TMEM132E: variants seen among roughly 807,000 people sequenced by gnomAD.
TMEM132E encodes transmembrane protein 132E.
TMEM132E carries 49 observed loss-of-function variants against 78.5 expected under a neutral mutation model. That is an observed-to-expected ratio of 0.62 (90% CI 0.50 to 0.79). The LOEUF (loss-of-function observed/expected upper bound fraction) is 0.79. Among genes scored for constraint, TMEM132E ranks in the 30% least tolerant of loss-of-function variants. The pLI, the probability that TMEM132E is intolerant of heterozygous loss-of-function variation, is 0.00. For missense variants in TMEM132E, 1,403 were observed against 1,470.9 expected, an observed-to-expected ratio of 0.95 and a Z score of 0.75; for synonymous variants, 715 against 670.6, an observed-to-expected ratio of 1.07 and a Z score of -1.02.
chr17:34,620,677 C>T (rs976920289), intron 1 of TMEM132E, among the ~76,000 whole-genome samples: 1 of 152,236 alleles, frequency 6.6e-6, no homozygotes, highest in African/African-American at 2.4e-5. Flanking sequence ...TCACTCATAC[C>T]AGGACCAGGA....
rs140315218 is a variant in TMEM132E at position 34,626,974 on chromosome 17, C to A, written c.915C>A (p.Pro305=). ...MIRLPDRPLK[P]GEVLSILLYL... is the part of the protein sequence containing the mutation. ...GCCTGCCAGACCGGCCCCTCAAGCC[C>A]GGGGAAGTGCTCAGCATCCTCCTCT... The change falls in exon 2 of 9, where the codon CCC becomes CCA. Residue 305 remains proline (P), a synonymous_variant. Transcript: ENST00000631683. The A allele has an allele frequency of 1.2e-6, 2 of 1,613,820 alleles. No individual in the cohort carries two copies. Among genetic ancestry groups the A allele is most frequent in the Non-Finnish European group, 1.7e-6 (2 of 1,180,038 alleles).
At position 34,637,919 on chromosome 17, in the gene TMEM132E, G is replaced by C; in HGVS notation, c.2912G>C (p.Ser971Thr). 6.2e-7 allele frequency: 1 copy of C among 1,605,966 alleles called. No homozygotes were observed. The highest frequency in any genetic ancestry group is 8.5e-7 in the Non-Finnish European group (1 of 1,178,636). ...VPAFCHGDHH[S>T]SGSSQTSVQS... ...GCCTTCTGCCACGGCGACCACCACA[G>C]CAGCGGCAGCTCGCAGACCAGCGTC... The change falls in exon 9 of 9, where the codon AGC becomes ACC. Residue 971 changes from serine (S) to threonine (T), a missense_variant. Ser to Thr is a moderately conservative substitution (Grantham distance 58, BLOSUM62 1). Transcript: ENST00000631683.
intron 1 of TMEM132E, among the ~76,000 whole-genome samples, chr17:34,620,844 C>T (rs1006932085): frequency 6.6e-6 from 1 of 152,192 alleles, no homozygotes; most frequent in Admixed American, 6.5e-5. Flanking sequence ...AGGGGGACCC[C>T]CACATCCTCC....
intron 1 of TMEM132E, among the ~76,000 whole-genome samples, chr17:34,592,910 C>T (rs1198839765): frequency 1.3e-5 from 2 of 152,178 alleles, no homozygotes; most frequent in East Asian, 3.9e-4. Flanking sequence ...GTGATAAACC[C>T]TTCCTCCCAG....
intron 1 of TMEM132E, among the ~76,000 whole-genome samples, chr17:34,600,419 G>A (rs575928090): frequency 2.5e-4 from 32 of 129,622 alleles, no homozygotes; most frequent in East Asian, 4.5e-4. Context: ...AAGTTTGAGC[G>A]TATATGAGTG....
In TMEM132E at chr17:34,637,477, TA is replaced by T. The variant is rs1907562704; in HGVS notation, c.2471del (p.Tyr824SerfsTer61). 1 of 1,611,276 alleles carries T rather than the reference TA, an allele frequency of 6.2e-7. No homozygotes were observed. Among genetic ancestry groups the T allele is most frequent in the Non-Finnish European group, 8.5e-7 (1 of 1,179,274 alleles). On this transcript the variant is annotated frameshift_variant, in exon 9 of 9. Transcript: ENST00000631683. LOFTEE classifies it high-confidence loss of function. ...GRDEEDPTYD[Y>X]PGPSQPGPGG... The stretch of plus-strand genomic sequence containing the variant: ...GGACGAGGAGGACCCCACTTATGAC[TA>T]CCCGGGCCCCAGCCAACCAGGGCCC...
At chr17:34,607,440 C>A (rs962727655) in intron 1 of TMEM132E, among the ~76,000 whole-genome samples, 1 of 152,176 alleles carries the variant, frequency 6.6e-6, no homozygotes, top group African/African-American at 2.4e-5. Context: ...TCCTGCTCCT[C>A]TTTTCACAAT....
rs761762301 is a variant in TMEM132E at position 34,634,891 on chromosome 17, C to T, written c.1781C>T (p.Thr594Ile). Residue 594 changes from threonine (T) to isoleucine (I), a missense_variant, in exon 7 of 9, where the codon ACC (threonine) becomes ATC (isoleucine). Around this residue, in one of 3 missense-constraint regions of TMEM132E, gnomAD observed 888 missense variants for 952.8 expected, o/e 0.93. Coordinates refer to ENST00000631683, the MANE Select transcript of TMEM132E (RefSeq NM_001304438.2). ...RGCTLQYQHA[T>I]LQVFTQFHTT... is the part of the protein sequence containing the mutation. The stretch of plus-strand genomic sequence containing the variant: ...TGCACCCTGCAGTACCAGCATGCCA[C>T]CCTGCAGGTCTTCACCCAGTTCCAC... The T allele has an allele frequency of 6.2e-7, 1 of 1,614,136 alleles. No homozygotes were observed. The highest frequency in any genetic ancestry group is 8.5e-7 in the Non-Finnish European group (1 of 1,180,020).
At chr17:34,594,020 C>T (rs909857446) in intron 1 of TMEM132E, among the ~76,000 whole-genome samples, 159 of 152,304 alleles carry the variant, frequency 1.0e-3, no homozygotes, top group African/African-American at 3.8e-3. Context: ...TACCTCCTAC[C>T]TCTTTCAGGT....
chr17:34,599,059 A>G (rs1230742308), intron 1 of TMEM132E, among the ~76,000 whole-genome samples: 1 of 152,256 alleles, frequency 6.6e-6, no homozygotes, highest in Non-Finnish European at 1.5e-5. Context: ...CTGTTGAGGC[A>G]TAGACAGGGG....
intron 1 of TMEM132E, among the ~76,000 whole-genome samples, chr17:34,593,712 C>T (rs1905959555): frequency 2.0e-5 from 3 of 152,248 alleles, no homozygotes; most frequent in African/African-American, 7.2e-5. Flanking sequence ...TTCCAGCTGC[C>T]TCCTAAGGCC....
Position 34,638,063 on chromosome 17 carries a change from C to T in TMEM132E, c.3056C>T (p.Thr1019Ile). The part of the protein sequence containing the change: ...KRKRVKFTTF[T>I]TLPSEELAYD... ...AAGCGGGTCAAGTTCACCACCTTCA[C>T]CACGCTGCCGTCAGAGGAGCTGGCC... Residue 1019 changes from threonine to isoleucine, a missense_variant, in exon 9 of 9, where the codon ACC becomes ATC. Coordinates refer to ENST00000631683, the MANE Select transcript of TMEM132E (RefSeq NM_001304438.2). The T allele has an allele frequency of 6.3e-7, 1 of 1,581,126 alleles. No individual in the cohort carries two copies. Among genetic ancestry groups the T allele is most frequent in the Non-Finnish European group, 8.6e-7 (1 of 1,163,644 alleles).
At position 34,637,956 on chromosome 17, in the gene TMEM132E, G is replaced by T. The variant is rs368090515; in HGVS notation, c.2949G>T (p.Val983=). Residue 983 remains valine (V), a synonymous_variant, in exon 9 of 9, where the codon GTG becomes GTT. Transcript: ENST00000631683. ...CGCAGACCAGCGTCCAGAGCCAGGTGCACGGCAGGGGCGACGGCTCCTCGG... is the reference window on the plus strand; with the variant it reads ...CGCAGACCAGCGTCCAGAGCCAGGTTCACGGCAGGGGCGACGGCTCCTCGG... The part of the protein sequence containing the change: ...GSSQTSVQSQ[V]HGRGDGSSGG... The T allele has an allele frequency of 2.8e-3, 4,447 of 1,604,670 alleles. 51 individuals carry two copies. The highest frequency in any genetic ancestry group is 0.02 in the South Asian group (1,850 of 90,302).
At chr17:34,622,573 C>G (rs1207579555) in intron 1 of TMEM132E, among the ~76,000 whole-genome samples, 2 of 152,234 alleles carry the variant, frequency 1.3e-5, no homozygotes, top group African/African-American at 4.8e-5. Flanking sequence ...GGGTCCAGAG[C>G]CCCTAGGCCT....
At chr17:34,586,400 A>G (rs778336016) in intron 1 of TMEM132E, among the ~76,000 whole-genome samples, 1 of 152,172 alleles carries the variant, frequency 6.6e-6, no homozygotes, top group Non-Finnish European at 1.5e-5. Context: ...TGGCTCTGCC[A>G]TACTCCAGCA....
intron 1 of TMEM132E, among the ~76,000 whole-genome samples, chr17:34,603,860 A>C (rs1027873338): frequency 1.3e-5 from 2 of 152,102 alleles, no homozygotes; most frequent in African/African-American, 4.8e-5. Flanking sequence ...TCCTGTGGCT[A>C]TTCCATGAGT....
At chr17:34,593,078 G>A (rs992463590) in intron 1 of TMEM132E, among the ~76,000 whole-genome samples, 1 of 150,994 alleles carries the variant, frequency 6.6e-6, no homozygotes, top group African/African-American at 2.4e-5. Flanking sequence ...TTAATAGTAT[G>A]TTTTAACCAA....
chr17:34,591,307 AT>A (rs60612426), intron 1 of TMEM132E, among the ~76,000 whole-genome samples: 11,560 of 146,548 alleles, frequency 0.079, 541 homozygotes, highest in South Asian at 0.18. Flanking sequence ...CTCCCTCACT[AT>A]TTTTTTTTTT....
chr17:34,628,171 T>A (rs1205685200), intron 2 of TMEM132E, among the ~76,000 whole-genome samples: 3 of 152,224 alleles, frequency 2.0e-5, no homozygotes, highest in African/African-American at 7.2e-5. Context: ...GGGGAATTGT[T>A]CTCTGTTGCC....
Sources: allele counts gnomAD v4.1 joint callset (sites outside exome capture counted in the v4.1 genomes callset), GRCh38; gene constraint gnomAD v4.1.1; regional missense constraint gnomAD v4.1.1; transcripts MANE v1.5; gene names NCBI Gene and HGNC (gene_info 2026-07-23, HGNC 2026-07-21).